The following DCHS2 variants were observed in gnomAD, a reference collection of about 807,000 sequenced individuals.
The protein encoded by DCHS2 is dachsous cadherin-related 2.
In DCHS2, 142 loss-of-function variants were observed where a neutral mutation model predicts 182.4. The ratio of observed to expected loss-of-function variants is 0.78; its 90% CI spans 0.68 to 0.89. The LOEUF (loss-of-function observed/expected upper bound fraction) is 0.89. Ranked by LOEUF, DCHS2 falls within the 40% of genes least tolerant of loss-of-function variation. The pLI, the probability that DCHS2 is intolerant of heterozygous loss-of-function variation, is 0.00. For missense variants in DCHS2, 4,319 were observed against 4,198.6 expected (o/e 1.03, Z -0.79); for synonymous variants, 1,740 against 1,663.3 (o/e 1.05, Z -1.12).
intron 1 of DCHS2, among the ~76,000 whole-genome samples, chr4:154,468,988 G>A (rs1735350544): frequency 6.6e-6 from 1 of 152,106 alleles, no homozygotes; most frequent in African/African-American, 2.4e-5. Flanking sequence ...TAATTGTGGT[G>A]ATCATTTCAC....
intron 10 of DCHS2, among the ~76,000 whole-genome samples, chr4:154,311,232 T>C (rs1441539724): frequency 6.6e-6 from 1 of 152,092 alleles, no homozygotes; most frequent in Non-Finnish European, 1.5e-5. Flanking sequence ...AGATCATTTT[T>C]CTTTTCTTTT....
At chr4:154,420,872 G>T (rs957963525) in intron 1 of DCHS2, among the ~76,000 whole-genome samples, 4 of 152,112 alleles carry the variant, frequency 2.6e-5, no homozygotes, top group Non-Finnish European at 5.9e-5. Context: ...TAGAGGACTG[G>T]TAGCTATGCA....
chr4:154,303,550 TG>T (rs931062934), intron 12 of DCHS2, among the ~76,000 whole-genome samples: 5 of 143,104 alleles, frequency 3.5e-5, no homozygotes, highest in African/African-American at 1.3e-4. Flanking sequence ...CAGACCATGA[TG>T]GGGGAGGTAG....
In DCHS2 at chr4:154,235,658, C is replaced by G. The variant is rs1239402949; in HGVS notation, c.8994G>C (p.Leu2998=). The change falls in exon 20 of 20, where the codon CTG becomes CTC. Residue 2998 remains leucine, a synonymous_variant. Transcript: ENST00000357232. ...AVFASSFSIS[L]VVSFLVFLIL... The stretch of plus-strand genomic sequence containing the variant: ...TCAGAAACACTAAAAAGGAGACCAC[C>G]AGGCTGATTGAAAAGCTGCTGGCGA... The G allele has an allele frequency of 6.2e-7, 1 of 1,613,766 alleles. No homozygotes were observed. The highest frequency in any genetic ancestry group is 8.5e-7 in the Non-Finnish European group (1 of 1,179,964).
rs1378484111 is a variant in DCHS2 at position 154,490,259 on chromosome 4, C to T, written c.1097G>A (p.Arg366Gln). ...CTCGCGGTCCAGAGGTCTCCACACT[C>T]GCACCACGCCGCTCAGCTCCTCCAC... ...FAVEELSGVVRVWRPLDREAQ... is the reference protein window; with the variant it reads ...FAVEELSGVVQVWRPLDREAQ... The change falls in exon 1 of 20, where the codon CGA (arginine) becomes CAA (glutamine). Residue 366 changes from arginine (R) to glutamine (Q), a missense_variant. By Grantham distance (43) the Arg-to-Gln change is conservative. Transcript: ENST00000357232. The T allele has an allele frequency of 2.6e-6, 4 of 1,549,206 alleles. No individual in the cohort carries two copies. The East Asian group carries it at 9.8e-5, about 38-fold the overall frequency.
At chr4:154,442,541 CCACACA>C (rs70947167) in intron 1 of DCHS2, among the ~76,000 whole-genome samples, 5 of 50,322 alleles carry the variant, frequency 9.9e-5, no homozygotes, top group East Asian at 9.1e-4. Flanking sequence ...CCCCCCCCCC[CCACACA>C]CACACACACA....
Position 154,333,418 on chromosome 4 carries a change from G to A in DCHS2, c.2790C>T (p.Gly930=), listed in dbSNP as rs1728610849. 6.2e-7 allele frequency: 1 copy of A among 1,613,972 alleles called. No homozygotes were observed. Among genetic ancestry groups the A allele is most frequent in the South Asian group, 1.1e-5 (1 of 91,082 alleles). ...CCAGGGGCTTCCGGGTGCGAATAGT[G>A]CCCAGCCGCGGGTGAATGGAGAACT... ...GGKFSIHPRL[G]TIRTRKPLDH... The change falls in exon 5 of 20, where the codon GGC becomes GGT. Residue 930 remains glycine, a synonymous_variant. Transcript: ENST00000357232.
chr4:154,332,972 C>T lies in DCHS2; in HGVS notation c.3236G>A (p.Ser1079Asn). The change falls in exon 5 of 20, where the codon AGC becomes AAC. Residue 1079 changes from serine (S) to asparagine (N), a missense_variant. Coordinates refer to ENST00000357232, the MANE Select transcript of DCHS2 (RefSeq NM_001358235.2). ...CAAATGTTCGAAAGTCCAGGATGGG[C>T]TGTGTTCGCGTTTCTCGATAACGAC... ...LTVVIEKREH[S>N]PSWTFEHLVY... 1 of 1,614,202 alleles carries T rather than the reference C, an allele frequency of 6.2e-7. No homozygotes were observed. The highest frequency in any genetic ancestry group is 2.2e-5 in the East Asian group (1 of 44,864).
chr4:154,332,610 C>T lies in DCHS2; in HGVS notation c.3598G>A (p.Val1200Ile), dbSNP rs376012226. The change falls in exon 5 of 20, where the codon GTC becomes ATC. Residue 1200 changes from valine (V) to isoleucine (I), a missense_variant. Physicochemically the swap from Val to Ile is conservative, Grantham distance 29. Coordinates refer to ENST00000357232, the MANE Select transcript of DCHS2 (RefSeq NM_001358235.2). The stretch of plus-strand genomic sequence containing the variant: ...CCTTGGGGAACAGGGCTCTCTTCGA[C>T]TTTCAAAAACAACACATCATGCAAG... Reference protein sequence around the residue: ...TFLHDVLFLKVEESPVPQGVI... With the variant: ...TFLHDVLFLKIEESPVPQGVI... 3.5e-5 allele frequency: 56 copies of T among 1,614,100 alleles called. No individual in the cohort carries two copies. The highest frequency in any genetic ancestry group is 4.4e-5 in the Non-Finnish European group (52 of 1,180,054).
intron 1 of DCHS2, among the ~76,000 whole-genome samples, chr4:154,383,472 G>T (rs1731262596): frequency 6.6e-6 from 1 of 152,068 alleles, no homozygotes; most frequent in South Asian, 2.1e-4. Context: ...TAAAATAAAG[G>T]TTGAAATTAC....
intron 2 of DCHS2, among the ~76,000 whole-genome samples, chr4:154,366,684 T>A (rs375500415): frequency 1.3e-5 from 2 of 151,968 alleles, no homozygotes; most frequent in African/African-American, 4.8e-5. Context: ...CGTCTTTATA[T>A]TCATTTTATT....
intron 1 of DCHS2, among the ~76,000 whole-genome samples, chr4:154,483,564 C>G (rs1472503676): frequency 6.6e-6 from 1 of 152,108 alleles, no homozygotes; most frequent in Non-Finnish European, 1.5e-5. Context: ...GTCTTCACTG[C>G]ACATGGGGAC....
At chr4:154,338,591 CAAT>C (rs1276804810) in intron 3 of DCHS2, among the ~76,000 whole-genome samples, 1 of 152,112 alleles carries the variant, frequency 6.6e-6, no homozygotes, top group Non-Finnish European at 1.5e-5. Context: ...TGTTCACACT[CAAT>C]AACTCAGAAA....
rs761024160 is a variant in DCHS2, at chr4:154,315,731, C to A, written c.5260+17G>T. The A allele has an allele frequency of 6.2e-7, 1 of 1,609,142 alleles. No individual in the cohort carries two copies. The highest frequency in any genetic ancestry group is 1.7e-5 in the Admixed American group (1 of 59,456). ...CTTTTAAGCATTAAATACCCAGTTT[C>A]TGTATTTCTAAATTACCTGAATCTC... On this transcript the variant is annotated intron_variant, in intron 10 of 19. Transcript: ENST00000357232.
chr4:154,236,322 A>G lies in DCHS2; in HGVS notation c.8330T>C (p.Ile2777Thr). The stretch of plus-strand genomic sequence containing the variant: ...GGAAATAGGCAGATTTTCTGGAACA[A>G]TACAGCTGAAGCTTGAGAACATAAA... Reference protein sequence around the residue: ...PQFMFSSFSCIVPENLPISST... With the variant: ...PQFMFSSFSCTVPENLPISST... Residue 2777 changes from isoleucine (I) to threonine (T), a missense_variant, in exon 20 of 20, where the codon ATT becomes ACT. By Grantham distance (89) the Ile-to-Thr change is moderately conservative (BLOSUM62 -1). Transcript: ENST00000357232. 1.2e-6 allele frequency: 2 copies of G among 1,614,068 alleles called. No individual in the cohort carries two copies. Among genetic ancestry groups the G allele is most frequent in the Non-Finnish European group, 1.7e-6 (2 of 1,179,968 alleles).
At chr4:154,386,903 C>G (rs1258209312) in intron 1 of DCHS2, among the ~76,000 whole-genome samples, 1 of 152,138 alleles carries the variant, frequency 6.6e-6, no homozygotes, top group Non-Finnish European at 1.5e-5. Context: ...ATTAACGAAG[C>G]TATATTATCA....
chr4:154,281,080 A>G (rs188072476), intron 13 of DCHS2, among the ~76,000 whole-genome samples: 1,952 of 151,806 alleles, frequency 0.013, 45 homozygotes, highest in African/African-American at 0.045. Flanking sequence ...GCCCACCTCG[A>G]CCTCCCAAAG....
chr4:154,282,812 C>A (rs990488874), intron 13 of DCHS2, among the ~76,000 whole-genome samples: 1 of 151,916 alleles, frequency 6.6e-6, no homozygotes, highest in Admixed American at 6.6e-5. Context: ...ATAGCCAAAA[C>A]GTAGTATATA....
At chr4:154,419,059 T>C (rs958833431) in intron 1 of DCHS2, among the ~76,000 whole-genome samples, 4 of 151,288 alleles carry the variant, frequency 2.6e-5, no homozygotes, top group Non-Finnish European at 5.9e-5. Flanking sequence ...ATGAATGTAA[T>C]AGCTACAAAA....
Sources: gnomAD v4.1 joint callset for allele counts (sites outside exome capture counted in the v4.1 genomes callset) on GRCh38, gnomAD v4.1.1 for gene constraint, MANE v1.5 for transcripts, NCBI Gene and HGNC (gene_info 2026-07-23, HGNC 2026-07-21) for gene names.